Variants in USP8 observed in about 807,000 individuals in gnomAD.
The protein encoded by USP8 is ubiquitin specific peptidase 8, also known as ubiquitin carboxyl-terminal hydrolase 8.
Under a neutral mutation model 130.0 loss-of-function variants are expected in USP8, and 27 were observed. The ratio of observed to expected loss-of-function variants is 0.21; its 90% CI spans 0.15 to 0.29. USP8 has a LOEUF of 0.29. Ranked by LOEUF, USP8 falls within the 10% of genes least tolerant of loss-of-function variation. USP8 has a pLI of 1.00. For synonymous variants in USP8, 392 were observed against 444.1 expected (o/e 0.88, Z 1.48); for missense variants, 1,029 against 1,312.2 (o/e 0.78, Z 3.33).
At position 50,462,327 on chromosome 15, in the gene USP8, G is replaced by A; in HGVS notation, c.541+5G>A. On this transcript the variant is annotated splice_donor_5th_base_variant and intron_variant, in intron 6 of 19. Coordinates refer to ENST00000307179, the MANE Select transcript of USP8 (RefSeq NM_005154.5). ...AATGTGAGACCAAAGAGAAAGGTAA[G>A]TGTGTACAGAAGGAGGAAGTTGTTT... 1 of 1,600,680 alleles carries A rather than the reference G, an allele frequency of 6.2e-7. No individual in the cohort carries two copies. The highest frequency in any genetic ancestry group is 8.5e-7 in the Non-Finnish European group (1 of 1,176,146).
At chr15:50,459,405 G>A (rs542461703) in intron 5 of USP8, among the ~76,000 whole-genome samples, 3 of 152,170 alleles carry the variant, frequency 2.0e-5, no homozygotes, top group Admixed American at 6.6e-5. Flanking sequence ...CCAACATAGC[G>A]AAACCCCGAC....
intron 10 of USP8, among the ~76,000 whole-genome samples, chr15:50,480,243 A>G (rs77598376): frequency 6.6e-6 from 1 of 152,112 alleles, no homozygotes; most frequent in Non-Finnish European, 1.5e-5. Context: ...TAAACATTTA[A>G]CTCATTAAAT....
intron 1 of USP8, among the ~76,000 whole-genome samples, chr15:50,427,569 T>TG: frequency 6.7e-6 from 1 of 149,306 alleles, no homozygotes; most frequent in Non-Finnish European, 1.5e-5. Context: ...TTTTTTTTTT[T>TG]TTTTTTTTTT....
chr15:50,426,711 G>C (rs1218477384), intron 1 of USP8, among the ~76,000 whole-genome samples: 1 of 152,150 alleles, frequency 6.6e-6, no homozygotes, highest in Non-Finnish European at 1.5e-5. Context: ...GGAAGTAGAA[G>C]CTGCCAGTCT....
chr15:50,473,443 C>T (rs897739069), intron 8 of USP8, among the ~76,000 whole-genome samples: 1 of 152,122 alleles, frequency 6.6e-6, no homozygotes, highest in Non-Finnish European at 1.5e-5. Flanking sequence ...ATGCTCAGTA[C>T]AGACATAACC....
chr15:50,466,169 C>T (rs1316595157), intron 7 of USP8, among the ~76,000 whole-genome samples: 1 of 152,132 alleles, frequency 6.6e-6, no homozygotes, highest in Non-Finnish European at 1.5e-5. Flanking sequence ...ATCCTATTAC[C>T]TCTCTTGGTC....
Position 50,477,346 on chromosome 15 carries a change from TATAGA to T in USP8, c.1067_1071del (p.Ile356SerfsTer3). On this transcript the variant is annotated frameshift_variant, in exon 10 of 20. Coordinates refer to ENST00000307179, the MANE Select transcript of USP8 (RefSeq NM_005154.5). LOFTEE classifies it high-confidence loss of function. ...CTGCTGCCCAGACGCCACCTGCATC[TATAGA>T]AGTAGATGAAAATATAGAATTGATA... 1.2e-6 allele frequency: 2 copies of T among 1,614,116 alleles called. No individual in the cohort carries two copies. Among genetic ancestry groups the T allele is most frequent in the Non-Finnish European group, 1.7e-6 (2 of 1,180,020 alleles).
chr15:50,499,706 AT>A lies in USP8; in HGVS notation c.*619del, dbSNP rs2052543606. 6.6e-6 allele frequency: 1 copy of A among 152,228 alleles called. No homozygotes were observed. Among genetic ancestry groups the A allele is most frequent in the Non-Finnish European group, 1.5e-5 (1 of 67,996 alleles). 9.4% of individuals were successfully genotyped at this position (152,228 alleles called of 1,614,324 possible). A position where few individuals can be genotyped will look rare whatever the true frequency, so the allele number is the denominator to read the frequency against. Reference sequence around the variant, plus strand: ...CTAAATCTTTATTCTAAAAAAAAAAATGGAAACTTTAATTTTTTTAAAACGA... The same window carrying A: ...CTAAATCTTTATTCTAAAAAAAAAAAGGAAACTTTAATTTTTTTAAAACGA... On this transcript the variant is annotated 3_prime_UTR_variant, in exon 20 of 20. Transcript: ENST00000307179.
chr15:50,495,497 T>C (rs1326702260), intron 16 of USP8, among the ~76,000 whole-genome samples: 1 of 149,058 alleles, frequency 6.7e-6, no homozygotes, highest in African/African-American at 2.5e-5. Flanking sequence ...GGGGGGGGTC[T>C]CACTATGTTG....
chr15:50,437,698 C>G (rs928873147), intron 1 of USP8, among the ~76,000 whole-genome samples: 18 of 152,250 alleles, frequency 1.2e-4, no homozygotes, highest in Non-Finnish European at 2.6e-4. Context: ...CTGTCATACT[C>G]TTTCCTCAAT....
intron 7 of USP8, among the ~76,000 whole-genome samples, chr15:50,468,714 C>A (rs911215485): frequency 1.3e-5 from 2 of 152,228 alleles, no homozygotes; most frequent in East Asian, 3.9e-4. Context: ...ACACTCCCCC[C>A]TCAAGTAGAC....
chr15:50,429,304 G>GT (rs34348433), intron 1 of USP8, among the ~76,000 whole-genome samples: 25,543 of 120,818 alleles, frequency 0.21, 2,762 homozygotes, highest in Middle Eastern at 0.3. Flanking sequence ...TCCTGGAGGT[G>GT]TTTTTTTTTT....
Position 50,487,350 on chromosome 15 carries a change from T to G in USP8, c.1891-2451T>G, listed in dbSNP as rs540391745. Among the ~76,000 whole-genome samples, 17 of 148,624 alleles carry G rather than the reference T, an allele frequency of 1.1e-4. No homozygotes were observed. In the South Asian group the frequency reaches 3.2e-3, roughly 28 times the overall value. ...AAAGGAGCTGAAAATGAGTTAACAA[T>G]AAGAGAAAATGAAGAGAGAGAGAGA... On this transcript the variant is annotated intron_variant, in intron 12 of 19. Coordinates refer to ENST00000307179, the MANE Select transcript of USP8 (RefSeq NM_005154.5).
intron 12 of USP8, among the ~76,000 whole-genome samples, chr15:50,485,636 G>A (rs1043044536): frequency 9.2e-5 from 11 of 119,638 alleles, no homozygotes; most frequent in Admixed American, 4.8e-4. Context: ...GAACATTGCC[G>A]TCACACCAAA....
At chr15:50,439,885 C>T (rs1187064592) in intron 2 of USP8, among the ~76,000 whole-genome samples, 1 of 151,214 alleles carries the variant, frequency 6.6e-6, no homozygotes, top group Non-Finnish European at 1.5e-5. Context: ...GTCAGGAGTT[C>T]GATACCAGCC....
At chr15:50,450,358 GA>G (rs920327685) in intron 4 of USP8, among the ~76,000 whole-genome samples, 6 of 146,002 alleles carry the variant, frequency 4.1e-5, no homozygotes, top group East Asian at 2.0e-4. Flanking sequence ...TTTAAATTTG[GA>G]AAAAAAAACT....
intron 7 of USP8, among the ~76,000 whole-genome samples, chr15:50,468,916 C>G (rs528433272): frequency 1.3e-5 from 2 of 152,068 alleles, no homozygotes; most frequent in African/African-American, 2.4e-5. Flanking sequence ...TATCATCCCC[C>G]CTGAACCCGA....
Position 50,508,870 on chromosome 15 carries a change from C to G in USP8, c.*9782C>G, listed in dbSNP as rs1441928832. Reference sequence around the variant, plus strand: ...AGAGTACAGGCCAGGCGCGGTGGCTCACGCCTGTAATCCCAGCACTTTGGG... The same window carrying G: ...AGAGTACAGGCCAGGCGCGGTGGCTGACGCCTGTAATCCCAGCACTTTGGG... On this transcript the variant is annotated 3_prime_UTR_variant, in exon 20 of 20. Transcript: ENST00000307179. 1 of 151,326 alleles carries G rather than the reference C, an allele frequency of 6.6e-6. No individual in the cohort carries two copies. The highest frequency in any genetic ancestry group is 1.9e-4 in the East Asian group (1 of 5,162). The allele number at this position is 151,326 out of a possible 1,614,324, so 9.4% of individuals were successfully genotyped here. A position where few individuals can be genotyped will look rare whatever the true frequency, so the allele number is the denominator to read the frequency against.
At chr15:50,460,906 C>T (rs1227412018) in intron 5 of USP8, among the ~76,000 whole-genome samples, 2 of 152,124 alleles carry the variant, frequency 1.3e-5, no homozygotes, top group East Asian at 3.9e-4. Flanking sequence ...CCTGTAATCC[C>T]AGCTCTTTGG....
Sources: gnomAD v4.1 joint callset for allele counts (sites outside exome capture counted in the v4.1 genomes callset) on GRCh38, gnomAD v4.1.1 for gene constraint, MANE v1.5 for transcripts, NCBI Gene and HGNC (gene_info 2026-07-23, HGNC 2026-07-21) for gene names.